IPCEF1: variants seen among roughly 807,000 people sequenced by gnomAD.
The protein encoded by IPCEF1 is interaction protein for cytohesin exchange factors 1.
IPCEF1 carries 31 observed loss-of-function variants against 50.9 expected under a neutral mutation model. That is an observed-to-expected ratio of 0.61 (90% confidence interval 0.46 to 0.82). IPCEF1 has a LOEUF of 0.82. Among genes scored for constraint, IPCEF1 ranks in the 40% least tolerant of loss-of-function variants. The pLI, the probability that IPCEF1 is intolerant of heterozygous loss-of-function variation, is 0.00. For synonymous variants in IPCEF1, 181 were observed against 192.0 expected, an observed-to-expected ratio of 0.94 and a Z score of 0.47; for missense variants, 458 against 514.0, an observed-to-expected ratio of 0.89 and a Z score of 1.05.
intron 2 of IPCEF1, among the ~76,000 whole-genome samples, chr6:154,283,470 C>T (rs910859305): frequency 6.6e-6 from 1 of 151,202 alleles, no homozygotes; most frequent in African/African-American, 2.4e-5. Flanking sequence ...CGGTGGTGGG[C>T]CCCTGTAGTC....
Position 154,265,912 on chromosome 6 carries a change from A to T in IPCEF1, c.36T>A (p.Leu12=). ...CTGGGGTATTCCAAAGGATACTTAC[A>T]AGAGCACTGCCATCAATAGCCATGT... The part of the protein sequence containing the change: ...TSYMAIDGSA[L]QVPLRQKPRR... The change falls in exon 3 of 12, where the codon CTT becomes CTA. Residue 12 remains leucine, a splice_region_variant and synonymous_variant. Transcript: ENST00000367220. 1 of 1,597,670 alleles carries T rather than the reference A, an allele frequency of 6.3e-7. No homozygotes were observed. The highest frequency in any genetic ancestry group is 8.5e-7 in the Non-Finnish European group (1 of 1,170,260).
chr6:154,353,489 G>C (rs1490663910), intron 1 of IPCEF1, among the ~76,000 whole-genome samples: 1 of 152,162 alleles, frequency 6.6e-6, no homozygotes, highest in Non-Finnish European at 1.5e-5. Flanking sequence ...GTTTCGCCAT[G>C]TTGGCCAGAG....
At chr6:154,183,295 G>A (rs1801057924) in intron 10 of IPCEF1, among the ~76,000 whole-genome samples, 1 of 152,182 alleles carries the variant, frequency 6.6e-6, no homozygotes, top group Non-Finnish European at 1.5e-5. Context: ...ATCTTTTCAA[G>A]ATGGCGCTCT....
At chr6:154,340,923 A>G (rs887231113) in intron 1 of IPCEF1, among the ~76,000 whole-genome samples, 1 of 146,306 alleles carries the variant, frequency 6.8e-6, no homozygotes, top group Non-Finnish European at 1.5e-5. Context: ...GTGTATATAT[A>G]TGTGTGTGTG....
At chr6:154,272,175 T>C (rs1781916120) in intron 2 of IPCEF1, among the ~76,000 whole-genome samples, 1 of 152,174 alleles carries the variant, frequency 6.6e-6, no homozygotes, top group Non-Finnish European at 1.5e-5. Flanking sequence ...CGAGATATCA[T>C]ATGGGAAGCA....
intron 1 of IPCEF1, among the ~76,000 whole-genome samples, chr6:154,307,789 G>A (rs957026708): frequency 3.9e-5 from 6 of 152,100 alleles, no homozygotes; most frequent in African/African-American, 1.2e-4. Context: ...CCTACTCTTT[G>A]CTTCAAACAC....
intron 5 of IPCEF1, among the ~76,000 whole-genome samples, chr6:154,229,525 A>ATT (rs369132657): frequency 2.8e-5 from 4 of 141,040 alleles, no homozygotes; most frequent in East Asian, 2.0e-4. Flanking sequence ...CATTTTTTGT[A>ATT]TTTTTTTTTT....
intron 10 of IPCEF1, 97 bp downstream of exon 10, chr6:154,199,571 C>T (rs1776907708): frequency 7.5e-7 from 1 of 1,336,256 alleles, no homozygotes. Context: ...AATCATCATT[C>T]ATGAGTTTAA....
chr6:154,183,709 G>T (rs1323061431), intron 10 of IPCEF1, among the ~76,000 whole-genome samples: 1 of 152,028 alleles, frequency 6.6e-6, no homozygotes, highest in African/African-American at 2.4e-5. Flanking sequence ...GACCAGCCTG[G>T]CCAACAGGGT....
intron 1 of IPCEF1, among the ~76,000 whole-genome samples, chr6:154,326,123 G>A (rs932066012): frequency 3.3e-5 from 5 of 151,868 alleles, no homozygotes; most frequent in African/African-American, 9.7e-5. Flanking sequence ...CTACTTGGGA[G>A]GCTGAGGTGG....
chr6:154,224,573 T>C (rs1438600080), intron 5 of IPCEF1, among the ~76,000 whole-genome samples: 2 of 152,054 alleles, frequency 1.3e-5, no homozygotes, highest in Non-Finnish European at 2.9e-5. Flanking sequence ...TAGCTGGTCA[T>C]GGTGGTGGGC....
At chr6:154,167,056 T>C (rs892624922) in intron 11 of IPCEF1, among the ~76,000 whole-genome samples, 4 of 152,238 alleles carry the variant, frequency 2.6e-5, no homozygotes, top group Non-Finnish European at 5.9e-5. Flanking sequence ...CCTGCCTTTG[T>C]AGCCTTGTCC....
chr6:154,219,831 G>A (rs970389054), intron 7 of IPCEF1, among the ~76,000 whole-genome samples: 6 of 152,126 alleles, frequency 3.9e-5, no homozygotes, highest in Admixed American at 2.0e-4. Flanking sequence ...TCAACTGTCC[G>A]TTCCTTGCCT....
Position 154,237,193 on chromosome 6 carries a change from T to C in IPCEF1, c.246+9398A>G, listed in dbSNP as rs1043638714. Among the ~76,000 whole-genome samples the C allele has an allele frequency of 3.3e-5, 5 of 152,186 alleles. No homozygotes were observed. In the South Asian group the frequency reaches 1.0e-3, roughly 32 times the overall value. On this transcript the variant is annotated intron_variant, in intron 5 of 11. Transcript: ENST00000367220. ...TTCTCAGGAAAATCCTCAAACCTAA[T>C]GAAAAGTTCAGCTCATCCCATGGGC...
At chr6:154,265,547 G>A (rs931479314) in intron 3 of IPCEF1, among the ~76,000 whole-genome samples, 3 of 152,026 alleles carry the variant, frequency 2.0e-5, no homozygotes, top group African/African-American at 7.2e-5. Context: ...CCAAAGTGCT[G>A]GGATTACAGG....
At chr6:154,167,003 C>G in intron 11 of IPCEF1, among the ~76,000 whole-genome samples, 1 of 151,932 alleles carries the variant, frequency 6.6e-6, no homozygotes, top group African/African-American at 2.4e-5. Flanking sequence ...TTAGGGTGTT[C>G]AGATGTTCTA....
At chr6:154,300,943 C>T (rs1347499228) in intron 1 of IPCEF1, among the ~76,000 whole-genome samples, 2 of 152,170 alleles carry the variant, frequency 1.3e-5, no homozygotes, top group Non-Finnish European at 1.5e-5. Flanking sequence ...CTATTCTAAA[C>T]CCAAAGTAAT....
intron 1 of IPCEF1, among the ~76,000 whole-genome samples, chr6:154,337,743 T>C (rs1454499788): frequency 1.3e-5 from 2 of 152,126 alleles, no homozygotes; most frequent in East Asian, 3.9e-4. Context: ...TAAGGGCAAA[T>C]GTATGAACTC....
intron 5 of IPCEF1, among the ~76,000 whole-genome samples, chr6:154,232,274 G>A (rs1461097496): frequency 2.0e-5 from 3 of 152,194 alleles, no homozygotes; most frequent in Non-Finnish European, 4.4e-5. Context: ...AAGAAAAAAT[G>A]TCTGTGTTTT....
Sources: gnomAD v4.1 joint callset for allele counts (sites outside exome capture counted in the v4.1 genomes callset) on GRCh38, gnomAD v4.1.1 for gene constraint, MANE v1.5 for transcripts, NCBI Gene and HGNC (gene_info 2026-07-23, HGNC 2026-07-21) for gene names.